The following TXNRD1 variants were observed in gnomAD, a reference collection of about 807,000 sequenced individuals.
TXNRD1 encodes the protein thioredoxin reductase 1, also known as thioredoxin reductase 1, cytoplasmic.
A neutral mutation model predicts 80.3 loss-of-function variants in TXNRD1; 57 were observed. The ratio of observed to expected loss-of-function variants is 0.71; its 90% CI spans 0.57 to 0.89. The LOEUF is 0.89. Ranked by LOEUF, TXNRD1 falls within the 40% of genes least tolerant of loss-of-function variation. The pLI is 0.00. For synonymous variants in TXNRD1, 291 were observed against 285.2 expected (o/e 1.02, Z -0.20); for missense variants, 730 against 803.0 (o/e 0.91, Z 1.10).
chr12:104,323,491 C>T (rs1397210475), intron 10 of TXNRD1, among the ~76,000 whole-genome samples: 154 of 145,160 alleles, frequency 1.1e-3, no homozygotes, highest in African/African-American at 3.8e-3. Flanking sequence ...GGCAGAGGCG[C>T]CCCTCACCTC....
chr12:104,279,801 A>T (rs1304909178), intron 3 of TXNRD1, among the ~76,000 whole-genome samples: 1 of 152,142 alleles, frequency 6.6e-6, no homozygotes, highest in Non-Finnish European at 1.5e-5. Context: ...ACGGTGGCTC[A>T]CCCCTGTAAT....
intron 3 of TXNRD1, among the ~76,000 whole-genome samples, chr12:104,272,533 G>A (rs770853992): frequency 3.3e-5 from 5 of 152,130 alleles, no homozygotes; most frequent in Admixed American, 1.3e-4. Context: ...TGTGGCTCAC[G>A]CCTGCAATCC....
chr12:104,279,475 C>A (rs1325354235), intron 3 of TXNRD1, among the ~76,000 whole-genome samples: 2 of 152,082 alleles, frequency 1.3e-5, no homozygotes, highest in Non-Finnish European at 2.9e-5. Flanking sequence ...ATGACTGAAT[C>A]ATGGGGATTG....
chr12:104,297,661 G>A (rs183480139), intron 4 of TXNRD1, among the ~76,000 whole-genome samples: 2 of 152,202 alleles, frequency 1.3e-5, no homozygotes, highest in African/African-American at 2.4e-5. Context: ...TACCATGCCC[G>A]GCCTGATTTT....
In TXNRD1 at chr12:104,313,333, A is replaced by G. The variant is rs776388947; in HGVS notation, c.610+16A>G. On this transcript the variant is annotated intron_variant, in intron 6 of 16. Coordinates refer to ENST00000525566, the MANE Select transcript of TXNRD1 (RefSeq NM_001093771.3). ...ACTAGATGGGGTAAGCTTTTAAGAT[A>G]CTCTAGAAGTGATGTTGCCGAAGTA... 7.1e-6 allele frequency: 11 copies of G among 1,557,270 alleles called. No individual in the cohort carries two copies. In the South Asian group the frequency reaches 1.3e-4, roughly 19 times the overall value.
chr12:104,236,895 C>G (rs1204214126), intron 1 of TXNRD1, among the ~76,000 whole-genome samples: 1 of 151,042 alleles, frequency 6.6e-6, no homozygotes, highest in East Asian at 1.9e-4. Context: ...GAAAAAGGCT[C>G]TTTTCTTCTC....
intron 3 of TXNRD1, among the ~76,000 whole-genome samples, chr12:104,266,563 C>T (rs1311951904): frequency 1.4e-5 from 2 of 147,208 alleles, no homozygotes; most frequent in Non-Finnish European, 3.0e-5. Flanking sequence ...CTGGGCGTGG[C>T]GGCTCACGAC....
intron 4 of TXNRD1, among the ~76,000 whole-genome samples, chr12:104,295,528 C>T (rs541209518): frequency 4.1e-4 from 63 of 152,306 alleles, no homozygotes; most frequent in African/African-American, 1.5e-3. Context: ...CTAGCCCCAA[C>T]CTGCTTTTCT....
intron 10 of TXNRD1, among the ~76,000 whole-genome samples, chr12:104,323,319 C>T (rs2035609581): frequency 1.3e-5 from 2 of 150,620 alleles, no homozygotes; most frequent in Non-Finnish European, 3.0e-5. Context: ...AGCTGTTGGG[C>T]ACACCTCCCA....
At chr12:104,326,946 G>A (rs1006723600) in intron 12 of TXNRD1, among the ~76,000 whole-genome samples, 1 of 151,364 alleles carries the variant, frequency 6.6e-6, no homozygotes, top group Non-Finnish European at 1.5e-5. Context: ...AGTGATTCTT[G>A]TGCCTCAGCC....
chr12:104,342,466 C>T (rs983781878), intron 16 of TXNRD1, among the ~76,000 whole-genome samples: 9 of 152,216 alleles, frequency 5.9e-5, no homozygotes, highest in Admixed American at 3.3e-4. Context: ...TTCACAATAT[C>T]GTAGGATGTT....
intron 1 of TXNRD1, among the ~76,000 whole-genome samples, chr12:104,245,517 C>CAAAAAAAA (rs10622971): frequency 0.023 from 686 of 29,250 alleles, 173 homozygotes; most frequent in East Asian, 0.1. Flanking sequence ...AACTCCATCT[C>CAAAAAAAA]AAAAAAAAAA....
intron 4 of TXNRD1, chr12:104,289,257 G>T: frequency 2.1e-6 from 1 of 468,888 alleles, no homozygotes; most frequent in South Asian, 3.8e-5. Flanking sequence ...AATTTCTAAC[G>T]CTTTTTATCT....
intron 4 of TXNRD1, chr12:104,303,767 C>T: frequency 4.2e-6 from 5 of 1,180,194 alleles, no homozygotes; most frequent in Non-Finnish European, 4.6e-6. Flanking sequence ...CTCTAACTGC[C>T]GCCACTTTCC....
At chr12:104,235,232 G>T (rs1257915713) in intron 1 of TXNRD1, among the ~76,000 whole-genome samples, 1 of 152,184 alleles carries the variant, frequency 6.6e-6, no homozygotes, top group Non-Finnish European at 1.5e-5. Flanking sequence ...ATTGGTTGGG[G>T]TTGGACCGCA....
At chr12:104,325,765 G>A (rs915819360) in intron 11 of TXNRD1, among the ~76,000 whole-genome samples, 1 of 151,946 alleles carries the variant, frequency 6.6e-6, no homozygotes, top group Non-Finnish European at 1.5e-5. Context: ...CCAGCTATTC[G>A]GGACGTTGAG....
intron 3 of TXNRD1, among the ~76,000 whole-genome samples, chr12:104,266,276 C>A (rs938046379): frequency 6.6e-5 from 10 of 152,070 alleles, no homozygotes; most frequent in African/African-American, 2.4e-4. Flanking sequence ...GCCTGTAATC[C>A]CAGTACTTTG....
At position 104,304,692 on chromosome 12, in the gene TXNRD1, C is replaced by A. The variant is rs1593795328; in HGVS notation, c.415-6598C>A. On this transcript the variant is annotated intron_variant, in intron 4 of 16. Coordinates refer to ENST00000525566, the MANE Select transcript of TXNRD1 (RefSeq NM_001093771.3). ...TTTGTGATTGATCCAAACTCTTTTT[C>A]TCGTACTGTGGAGAATATATTTTAT... The A allele has an allele frequency of 3.1e-6, 5 of 1,613,948 alleles. No individual in the cohort carries two copies. Among genetic ancestry groups the A allele is most frequent in the Non-Finnish European group, 4.2e-6 (5 of 1,179,878 alleles).
Position 104,233,934 on chromosome 12 carries a change from CTTTCTGAGTGCAGTCCA to C in TXNRD1, c.92-17589_92-17573del, listed in dbSNP as rs537973586. ...GCAAAAGTCAAAAGGGTTGCTTTAA[CTTTCTGAGTGCAGTCCA>C]TTTAGTTAACTCTTATTTTGCTTGA... On this transcript the variant is annotated intron_variant, in intron 1 of 16. Coordinates refer to ENST00000525566, the MANE Select transcript of TXNRD1 (RefSeq NM_001093771.3). Among the ~76,000 whole-genome samples, 736 of 152,296 alleles carry C rather than the reference CTTTCTGAGTGCAGTCCA, an allele frequency of 4.8e-3. 5 individuals are homozygous for C. The highest frequency in any genetic ancestry group is 0.017 in the African/African-American group (703 of 41,556).
Sources: gnomAD v4.1 joint callset for allele counts (sites outside exome capture counted in the v4.1 genomes callset) on GRCh38, gnomAD v4.1.1 for gene constraint, MANE v1.5 for transcripts, NCBI Gene and HGNC (gene_info 2026-07-23, HGNC 2026-07-21) for gene names.